The following TNFSF4 variants were observed in gnomAD, a reference collection of about 807,000 sequenced individuals.
TNFSF4 encodes the protein TNF superfamily member 4, also known as tumor necrosis factor ligand superfamily member 4.
Under a neutral mutation model 7.3 loss-of-function variants are expected in TNFSF4, and 4 were observed. The observed-to-expected ratio is 0.55, with a 90% CI of 0.27 to 1.25. The LOEUF (loss-of-function observed/expected upper bound fraction) is 1.25. Ranked by LOEUF, TNFSF4 falls within the 50% of genes most tolerant of loss-of-function variation. The pLI, the probability that TNFSF4 is intolerant of heterozygous loss-of-function variation, is 0.12. For synonymous variants in TNFSF4, 76 were observed against 83.7 expected (o/e 0.91, Z 0.50); for missense variants, 181 against 208.8 (o/e 0.87, Z 0.82).
the TNFSF4 span, among the ~76,000 whole-genome samples, chr1:173,394,174 G>A: frequency 6.9e-6 from 1 of 144,354 alleles, no homozygotes; most frequent in African/African-American, 2.7e-5. Flanking sequence ...CTTAAGACCA[G>A]GAGTTCAAGG....
chr1:173,192,318 C>T (rs571636581), intron 1 of TNFSF4, among the ~76,000 whole-genome samples: 17 of 152,316 alleles, frequency 1.1e-4, no homozygotes, highest in African/African-American at 3.1e-4. Flanking sequence ...GCAGCCAAAA[C>T]GTCCTTCAGT....
chr1:173,256,625 G>A, the TNFSF4 span, among the ~76,000 whole-genome samples: 7 of 152,196 alleles, frequency 4.6e-5, no homozygotes, highest in Non-Finnish European at 8.8e-5. Context: ...ACAGCCTGAT[G>A]TAGATTCTGG....
the TNFSF4 span, among the ~76,000 whole-genome samples, chr1:173,216,153 A>G: frequency 0.022 from 3,290 of 152,284 alleles, 53 homozygotes; most frequent in Middle Eastern, 0.051. Flanking sequence ...AACATCTTAC[A>G]TCTTAAAACA....
intron 1 of TNFSF4, among the ~76,000 whole-genome samples, chr1:173,206,509 A>G (rs1041003444): frequency 6.6e-6 from 1 of 152,228 alleles, no homozygotes; most frequent in Non-Finnish European, 1.5e-5. Context: ...ATGAGTGAGC[A>G]CATAGGCACA....
the TNFSF4 span, among the ~76,000 whole-genome samples, chr1:173,408,333 T>C: frequency 1.3e-5 from 2 of 152,058 alleles, no homozygotes; most frequent in African/African-American, 2.4e-5. Flanking sequence ...ACTGGCCAAA[T>C]TGGGAACAAT....
the TNFSF4 span, among the ~76,000 whole-genome samples, chr1:173,445,436 T>C: frequency 2.0e-5 from 3 of 152,122 alleles, no homozygotes; most frequent in Admixed American, 2.0e-4. Context: ...CTGAAGAACA[T>C]AGAAAGGAAT....
At chr1:173,229,542 A>G in the TNFSF4 span, among the ~76,000 whole-genome samples, 5 of 152,234 alleles carry the variant, frequency 3.3e-5, no homozygotes, top group Non-Finnish European at 7.3e-5. Context: ...CAAAATAACC[A>G]GCTAACATCA....
the TNFSF4 span, among the ~76,000 whole-genome samples, chr1:173,291,342 C>G: frequency 6.6e-6 from 1 of 152,098 alleles, no homozygotes; most frequent in African/African-American, 2.4e-5. Context: ...CCAATCACCT[C>G]CCAAAGGCCC....
chr1:173,298,734 C>A, the TNFSF4 span, among the ~76,000 whole-genome samples: 3 of 151,818 alleles, frequency 2.0e-5, no homozygotes, highest in Non-Finnish European at 4.4e-5. Flanking sequence ...GCACAACAAC[C>A]CTGTGGAAGA....
At chr1:173,341,478 AG>A in the TNFSF4 span, among the ~76,000 whole-genome samples, 1 of 152,206 alleles carries the variant, frequency 6.6e-6, no homozygotes, top group Non-Finnish European at 1.5e-5. Flanking sequence ...CTGGTCACCC[AG>A]TGGCTTGGCT....
chr1:173,215,314 T>A, the TNFSF4 span, among the ~76,000 whole-genome samples: 1 of 152,072 alleles, frequency 6.6e-6, no homozygotes, highest in East Asian at 1.9e-4. Flanking sequence ...TATGGGTGTC[T>A]TATGGCAGCC....
the TNFSF4 span, among the ~76,000 whole-genome samples, chr1:173,217,824 A>T: frequency 6.6e-6 from 1 of 152,128 alleles, no homozygotes; most frequent in Non-Finnish European, 1.5e-5. Context: ...ATCACGACTC[A>T]CTGCAGCCTT....
the TNFSF4 span, among the ~76,000 whole-genome samples, chr1:173,249,046 C>T: frequency 2.6e-5 from 4 of 152,020 alleles, no homozygotes; most frequent in East Asian, 3.8e-4. Context: ...AAGGTAAATA[C>T]GCAGGTTGGG....
the TNFSF4 span, among the ~76,000 whole-genome samples, chr1:173,420,583 A>G: frequency 5.3e-5 from 8 of 152,188 alleles, no homozygotes; most frequent in East Asian, 9.6e-4. Flanking sequence ...CTCCGGTTTT[A>G]TATGGCTACA....
intron 1 of TNFSF4, among the ~76,000 whole-genome samples, chr1:173,196,615 G>T (rs940809058): frequency 6.6e-6 from 1 of 152,084 alleles, no homozygotes; most frequent in Non-Finnish European, 1.5e-5. Flanking sequence ...TGGTTTTATT[G>T]TCCCTAATAC....
Position 173,188,550 on chromosome 1 carries a change from C to T in TNFSF4, c.173G>A (p.Arg58Gln), listed in dbSNP as rs368338886. The change falls in exon 2 of 3, where the codon CGA (arginine) becomes CAA (glutamine). Residue 58 changes from arginine to glutamine, a missense_variant. Transcript: ENST00000281834. The part of the protein sequence containing the change: ...SALQVSHRYP[R>Q]IQSIKVQFTE... ...AAATTGTACTTTGATACTTTGAATT[C>T]GAGGATACCGATGTGATACCTGAGG... 96 of 1,611,978 alleles carry T rather than the reference C, an allele frequency of 6.0e-5. No homozygotes were observed. Among genetic ancestry groups the T allele is most frequent in the Admixed American group, 3.0e-4 (18 of 59,926 alleles).
the TNFSF4 span, among the ~76,000 whole-genome samples, chr1:173,447,300 A>C: frequency 6.6e-6 from 1 of 152,200 alleles, no homozygotes; most frequent in Non-Finnish European, 1.5e-5. Context: ...GTATGATACT[A>C]TAATGGTGGC....
chr1:173,412,373 G>A, the TNFSF4 span, among the ~76,000 whole-genome samples: 4 of 152,138 alleles, frequency 2.6e-5, no homozygotes, highest in South Asian at 2.1e-4. Flanking sequence ...TTACTTCTTC[G>A]TCCTTCAAAG....
the TNFSF4 span, among the ~76,000 whole-genome samples, chr1:173,312,734 T>C: frequency 1.3e-5 from 2 of 151,946 alleles, no homozygotes; most frequent in African/African-American, 4.8e-5. Context: ...GAGACCAGAG[T>C]ACCCCAGCTG....
Sources: gnomAD v4.1 joint callset for allele counts (sites outside exome capture counted in the v4.1 genomes callset) on GRCh38, gnomAD v4.1.1 for gene constraint, MANE v1.5 for transcripts, NCBI Gene and HGNC (gene_info 2026-07-23, HGNC 2026-07-21) for gene names.